Variants in JHY observed in about 807,000 individuals in gnomAD.
JHY encodes junctional cadherin complex regulator.
In JHY, 69 loss-of-function variants were observed where a neutral mutation model predicts 78.0. That is an observed-to-expected ratio of 0.88 (90% CI 0.73 to 1.08). The LOEUF is 1.08. Ranked by LOEUF, JHY falls within the 50% of genes least tolerant of loss-of-function variation. JHY has a pLI of 0.00. For synonymous variants in JHY, 368 were observed against 342.6 expected, an observed-to-expected ratio of 1.07 and a Z score of -0.82; for missense variants, 944 against 927.8, an observed-to-expected ratio of 1.02 and a Z score of -0.23.
Position 122,960,949 on chromosome 11 carries a change from T to C in JHY, c.*1504T>C, listed in dbSNP as rs1864300661. Reference sequence around the variant, plus strand: ...GACTATCATATATCTGTGCAGAACATGATGCGTTGAAAGGAACAAGAGCAC... The same window carrying C: ...GACTATCATATATCTGTGCAGAACACGATGCGTTGAAAGGAACAAGAGCAC... On this transcript the variant is annotated 3_prime_UTR_variant, in exon 9 of 9. Coordinates refer to ENST00000227349, the MANE Select transcript of JHY (RefSeq NM_024806.4). 2.7e-6 allele frequency: 2 copies of C among 728,796 alleles called. No homozygotes were observed. Among genetic ancestry groups the C allele is most frequent in the South Asian group, 1.4e-5 (1 of 74,020 alleles). 45.1% of individuals were successfully genotyped at this position (728,796 alleles called of 1,614,324 possible).
rs1863702618 is a variant in JHY, at chr11:122,934,419, G to T, written c.979-1G>T. On this transcript the variant is annotated splice_acceptor_variant, in intron 4 of 8. Coordinates refer to ENST00000227349, the MANE Select transcript of JHY (RefSeq NM_024806.4). LOFTEE classifies it high-confidence loss of function. ...TACATTAACCAAAAATATCTCTTTA[G>T]AATTACCAGGAACACTGGTCTCAAT... 1 of 1,572,918 alleles carries T rather than the reference G, an allele frequency of 6.4e-7. No homozygotes were observed. The highest frequency in any genetic ancestry group is 2.2e-5 in the East Asian group (1 of 44,470).
At chr11:122,951,410 A>C (rs1389838548) in intron 6 of JHY, among the ~76,000 whole-genome samples, 1 of 152,224 alleles carries the variant, frequency 6.6e-6, no homozygotes, top group Non-Finnish European at 1.5e-5. Flanking sequence ...TGTCACAGAC[A>C]ATCTGGGCAT....
At chr11:122,926,077 A>G (rs752845892) in intron 4 of JHY, among the ~76,000 whole-genome samples, 3 of 151,202 alleles carry the variant, frequency 2.0e-5, no homozygotes, top group Non-Finnish European at 2.9e-5. Flanking sequence ...AGTCCCAGCT[A>G]CTAGGGAAGC....
chr11:122,894,780 G>T (rs925325975), intron 2 of JHY, among the ~76,000 whole-genome samples: 3 of 152,120 alleles, frequency 2.0e-5, no homozygotes, highest in Non-Finnish European at 2.9e-5. Context: ...GACTTTGGTT[G>T]GAATTATCCA....
intron 3 of JHY, among the ~76,000 whole-genome samples, chr11:122,916,498 T>C (rs17126967): frequency 0.1 from 15,463 of 152,222 alleles, 1,622 homozygotes; most frequent in African/African-American, 0.27. Flanking sequence ...ATTGTTTTTC[T>C]TGCATCAGTT....
At position 122,935,839 on chromosome 11, in the gene JHY, G is replaced by A. The variant is rs1213466889; in HGVS notation, c.1634+764G>A. Among the ~76,000 whole-genome samples the A allele has an allele frequency of 6.6e-6, 1 of 152,140 alleles. No homozygotes were observed. The highest frequency in any genetic ancestry group is 1.5e-5 in the Non-Finnish European group (1 of 68,028). Reference sequence around the variant, plus strand: ...GGTAAATTATGATATTTAGTATCATGGAACCACTAAAAATTATGGTTATGA... The same window carrying A: ...GGTAAATTATGATATTTAGTATCATAGAACCACTAAAAATTATGGTTATGA... On this transcript the variant is annotated intron_variant, in intron 5 of 8. Coordinates refer to ENST00000227349, the MANE Select transcript of JHY (RefSeq NM_024806.4). The surrounding 1 kb of genome is among the most constrained non-coding windows in gnomAD (Gnocchi z 4.5).
rs190223039 is a variant in JHY, at chr11:122,934,265, C to G, written c.979-155C>G. Among the ~76,000 whole-genome samples, 230 of 151,518 alleles carry G rather than the reference C, an allele frequency of 1.5e-3. 1 individual carries two copies. Among genetic ancestry groups the G allele is most frequent in the African/African-American group, 5.3e-3 (220 of 41,324 alleles). ...TGGGAGGCGGAGCTTGCAGTGAGCC[C>G]AGATCGTGCCACTGCACTCCAGCCT... On this transcript the variant is annotated intron_variant, in intron 4 of 8. Transcript: ENST00000227349.
intron 7 of JHY, among the ~76,000 whole-genome samples, chr11:122,956,959 A>G (rs934812972): frequency 6.6e-6 from 1 of 152,128 alleles, no homozygotes; most frequent in Non-Finnish European, 1.5e-5. Context: ...TGAAAAGTGC[A>G]TCCACTTTAT....
intron 6 of JHY, among the ~76,000 whole-genome samples, chr11:122,949,723 C>T (rs1184249608): frequency 7.9e-5 from 12 of 152,104 alleles, no homozygotes; most frequent in African/African-American, 1.2e-4. Context: ...CTGCTGGGGA[C>T]GGGACCCTAT....
chr11:122,944,691 G>A (rs1485610441), intron 5 of JHY, among the ~76,000 whole-genome samples: 1 of 151,992 alleles, frequency 6.6e-6, no homozygotes, highest in Non-Finnish European at 1.5e-5. Context: ...CCTTTATTCT[G>A]AAGTAAATCC....
intron 4 of JHY, 55 bp downstream of exon 4, chr11:122,925,065 G>T: frequency 7.5e-7 from 1 of 1,333,436 alleles, no homozygotes. Flanking sequence ...CTGAATATAA[G>T]TAATGATCGT....
chr11:122,911,732 C>A (rs919585903), intron 3 of JHY, among the ~76,000 whole-genome samples: 1 of 150,730 alleles, frequency 6.6e-6, no homozygotes, highest in African/African-American at 2.4e-5. Context: ...ATGGAGAAAC[C>A]CCATCTCTAC....
At chr11:122,943,796 A>ATT (rs1313844090) in intron 5 of JHY, among the ~76,000 whole-genome samples, 1 of 152,094 alleles carries the variant, frequency 6.6e-6, no homozygotes, top group Non-Finnish European at 1.5e-5. Context: ...AGTCTGGTAT[A>ATT]TTTTTTCCAT....
At chr11:122,915,949 G>T (rs367893116) in intron 3 of JHY, among the ~76,000 whole-genome samples, 22 of 152,060 alleles carry the variant, frequency 1.4e-4, no homozygotes, top group African/African-American at 5.3e-4. Flanking sequence ...TATACTGCTG[G>T]TCAAGAACTG....
chr11:122,886,037 G>A lies in JHY; in HGVS notation c.188G>A (p.Arg63Gln), dbSNP rs763403492. ...EIMCHSEFDD[R>Q]IRGNGMEPDS... Reference sequence around the variant, plus strand: ...ATGTGCCATTCTGAGTTTGATGATCGAATCCGGGGCAACGGTATGGAGCCC... The same window carrying A: ...ATGTGCCATTCTGAGTTTGATGATCAAATCCGGGGCAACGGTATGGAGCCC... Residue 63 changes from arginine (R) to glutamine (Q), a missense_variant, in exon 2 of 9, where the codon CGA becomes CAA. Arg to Gln is a conservative substitution (Grantham distance 43, BLOSUM62 1). Coordinates refer to ENST00000227349, the MANE Select transcript of JHY (RefSeq NM_024806.4). 8.1e-6 allele frequency: 13 copies of A among 1,614,094 alleles called. No homozygotes were observed. The highest frequency in any genetic ancestry group is 1.3e-5 in the African/African-American group (1 of 74,992).
At chr11:122,932,290 C>A (rs1863652392) in intron 4 of JHY, among the ~76,000 whole-genome samples, 1 of 152,180 alleles carries the variant, frequency 6.6e-6, no homozygotes, top group African/African-American at 2.4e-5. Context: ...GAAATGCCAT[C>A]TCTGGGCACT....
rs1862932603 is a variant in JHY at position 122,904,242 on chromosome 11, A to G, written c.662A>G (p.Lys221Arg). Residue 221 changes from lysine to arginine, a missense_variant, in exon 3 of 9, where the codon AAG (lysine) becomes AGG (arginine). Physicochemically the swap from Lys to Arg is conservative, Grantham distance 26. Transcript: ENST00000227349. ...CTGAGCGACAGTGACCTGGAGGAGA[A>G]GTCGAGCAGCCTTTCTCCGTACGTG... ...SELSDSDLEE[K>R]SSSLSPYVKS... 3.7e-6 allele frequency: 6 copies of G among 1,614,184 alleles called. No homozygotes were observed. Among genetic ancestry groups the G allele is most frequent in the Non-Finnish European group, 5.1e-6 (6 of 1,180,026 alleles).
chr11:122,903,937 A>G lies in JHY; in HGVS notation c.357A>G (p.Ile119Met), dbSNP rs772569750. The change falls in exon 3 of 9, where the codon ATA becomes ATG. Residue 119 changes from isoleucine (I) to methionine (M), a missense_variant. Coordinates refer to ENST00000227349, the MANE Select transcript of JHY (RefSeq NM_024806.4). ...DQGANNRQQP[I>M]EDKYSDLRYD... The stretch of plus-strand genomic sequence containing the variant: ...CTGCTTTGGGCAGGCAACAACCAAT[A>G]GAAGACAAATATTCAGACCTCCGCT... 66 of 1,586,180 alleles carry G rather than the reference A, an allele frequency of 4.2e-5. No individual in the cohort carries two copies. Among genetic ancestry groups the G allele is most frequent in the Non-Finnish European group, 5.3e-5 (62 of 1,164,218 alleles).
intron 5 of JHY, among the ~76,000 whole-genome samples, chr11:122,941,798 G>A (rs1863879366): frequency 6.6e-6 from 1 of 152,142 alleles, no homozygotes; most frequent in East Asian, 1.9e-4. Flanking sequence ...GCAGGTCACT[G>A]TGTGTGCCTC....
Sources: allele counts gnomAD v4.1 joint callset (sites outside exome capture counted in the v4.1 genomes callset), GRCh38; gene constraint gnomAD v4.1.1; non-coding constraint Gnocchi (gnomAD v3.1); transcripts MANE v1.5; gene names NCBI Gene and HGNC (gene_info 2026-07-23, HGNC 2026-07-21).